The following TARS3 variants were observed in gnomAD, a reference collection of about 807,000 sequenced individuals.
TARS3 encodes threonyl-tRNA synthetase 3, also known as threonine--tRNA ligase 2, cytoplasmic.
Under a neutral mutation model 103.5 loss-of-function variants are expected in TARS3, and 94 were observed. That is an observed-to-expected ratio of 0.91 (90% CI 0.77 to 1.08). The LOEUF is 1.08. Ranked by LOEUF, TARS3 falls within the 50% of genes least tolerant of loss-of-function variation. The pLI, the probability that TARS3 is intolerant of heterozygous loss-of-function variation, is 0.00. For missense variants in TARS3, 952 were observed against 995.2 expected, an observed-to-expected ratio of 0.96 and a Z score of 0.58; for synonymous variants, 416 against 355.4, an observed-to-expected ratio of 1.17 and a Z score of -1.92.
intron 10 of TARS3, among the ~76,000 whole-genome samples, chr15:101,696,686 T>C (rs1338999277): frequency 6.6e-6 from 1 of 152,130 alleles, no homozygotes; most frequent in Non-Finnish European, 1.5e-5. Flanking sequence ...AGAGAAACCT[T>C]AAAAACTGAG....
At chr15:101,690,762 T>A (rs1356821831) in intron 10 of TARS3, among the ~76,000 whole-genome samples, 1 of 152,220 alleles carries the variant, frequency 6.6e-6, no homozygotes, top group Non-Finnish European at 1.5e-5. Context: ...GCAGTAAAGT[T>A]TTTTTCTATG....
intron 7 of TARS3, among the ~76,000 whole-genome samples, chr15:101,705,407 G>A (rs1192186330): frequency 6.6e-6 from 1 of 152,182 alleles, no homozygotes; most frequent in Non-Finnish European, 1.5e-5. Context: ...GGACAGAATA[G>A]AAACTCCTTT....
At chr15:101,671,825 T>A in intron 13 of TARS3, 77 bp from the exon 14 acceptor site, 1 of 1,147,546 alleles carries the variant, frequency 8.7e-7, no homozygotes, top group Admixed American at 2.1e-5. Context: ...AAAGTTACTA[T>A]AACTCTTCAT....
intron 18 of TARS3, among the ~76,000 whole-genome samples, chr15:101,655,172 A>C (rs1320137290): frequency 1.4e-5 from 2 of 147,000 alleles, no homozygotes; most frequent in Admixed American, 6.8e-5. Context: ...CACTGACTCC[A>C]CCTGGCACTA....
rs1897097196 is a variant in TARS3, at chr15:101,653,784, T to C, written c.*798A>G. ...TCTATTGACATAATGCCATTTTAATTCAGTTCTGAGCACGTAGAGCATTCC... is the reference window on the plus strand; with the variant it reads ...TCTATTGACATAATGCCATTTTAATCCAGTTCTGAGCACGTAGAGCATTCC... On this transcript the variant is annotated 3_prime_UTR_variant, in exon 19 of 19. Coordinates refer to ENST00000335968, the MANE Select transcript of TARS3 (RefSeq NM_152334.3). 1 of 152,238 alleles carries C rather than the reference T, an allele frequency of 6.6e-6. No individual in the cohort carries two copies. Among genetic ancestry groups the C allele is most frequent in the African/African-American group, 2.4e-5 (1 of 41,466 alleles). 9.4% of individuals were successfully genotyped at this position (152,238 alleles called of 1,614,324 possible).
At chr15:101,682,036 C>T (rs977443096) in intron 12 of TARS3, among the ~76,000 whole-genome samples, 4 of 152,194 alleles carry the variant, frequency 2.6e-5, no homozygotes, top group Admixed American at 2.0e-4. Context: ...CTTCTAATAG[C>T]TTTCTGTAGA....
intron 2 of TARS3, among the ~76,000 whole-genome samples, chr15:101,722,857 A>G (rs186993135): frequency 5.9e-5 from 9 of 151,580 alleles, no homozygotes; most frequent in African/African-American, 2.2e-4. Context: ...AAAAAAACCA[A>G]CTCTAGTACT....
chr15:101,717,605 G>A (rs574168659), intron 3 of TARS3, among the ~76,000 whole-genome samples: 1 of 152,258 alleles, frequency 6.6e-6, no homozygotes, highest in Admixed American at 6.5e-5. Flanking sequence ...ACAGTGGAGG[G>A]CACTTCTCCA....
At chr15:101,721,439 G>A in intron 2 of TARS3, 117 bp from the exon 3 acceptor site, 1 of 669,716 alleles carries the variant, frequency 1.5e-6, no homozygotes, top group Non-Finnish European at 2.4e-6. Context: ...ATGGTCCCAA[G>A]CTTACCATGG....
rs1238933945 is a variant in TARS3, at chr15:101,656,983, G to A, written c.2199C>T (p.His733=). 1.9e-6 allele frequency: 3 copies of A among 1,613,820 alleles called. No homozygotes were observed. Among genetic ancestry groups the A allele is most frequent in the Admixed American group, 3.3e-5 (2 of 60,000 alleles). ...EGFMADVDLD[H]SCTLNKKIRN... The stretch of plus-strand genomic sequence containing the variant: ...GTATTTTCTTATTTAGTGTACAACT[G>A]TGATCCAAGTCAACGTCAGCCATAA... Residue 733 remains histidine, a synonymous_variant, in exon 18 of 19, where the codon CAC becomes CAT. Coordinates refer to ENST00000335968, the MANE Select transcript of TARS3 (RefSeq NM_152334.3).
Position 101,654,548 on chromosome 15 carries a change from A to G in TARS3, c.*34T>C. 1 of 1,597,230 alleles carries G rather than the reference A, an allele frequency of 6.3e-7. No homozygotes were observed. Among genetic ancestry groups the G allele is most frequent in the Non-Finnish European group, 8.5e-7 (1 of 1,175,034 alleles). The stretch of plus-strand genomic sequence containing the variant: ...AAAATACATTTTTAAGGGTCAAAAC[A>G]AAGTTACACAGAAGCAAATATCAGG... On this transcript the variant is annotated 3_prime_UTR_variant, in exon 19 of 19. Transcript: ENST00000335968.
chr15:101,657,725 C>T (rs1323683808), intron 17 of TARS3, 60 bp downstream of exon 17: 2 of 1,158,862 alleles, frequency 1.7e-6, no homozygotes, highest in East Asian at 2.6e-5. Flanking sequence ...CACTCCAAAT[C>T]GATGACCTAC....
rs35014693 is a variant in TARS3, at chr15:101,714,605, C to CAAAA, written c.690+231_690+234dup. ...TGGGTGACAGAGTAAGACTCCATCTCAAAAAAAAAAAAAAAAAAAAAAAAA... is the reference window on the plus strand; with the variant it reads ...TGGGTGACAGAGTAAGACTCCATCTCAAAAAAAAAAAAAAAAAAAAAAAAAAAAA... On this transcript the variant is annotated intron_variant, in intron 4 of 18. Transcript: ENST00000335968. 3.7e-4 allele frequency: 29 copies of CAAAA among 77,768 alleles called. 1 individual carries two copies. The highest frequency in any genetic ancestry group is 5.2e-4 in the Non-Finnish European group (25 of 47,968). 4.8% of individuals were successfully genotyped at this position (77,768 alleles called of 1,614,324 possible). A position where few individuals can be genotyped will look rare whatever the true frequency, so the allele number is the denominator to read the frequency against.
chr15:101,706,988 C>T (rs1423424970), intron 6 of TARS3, among the ~76,000 whole-genome samples: 1 of 152,032 alleles, frequency 6.6e-6, no homozygotes, highest in African/African-American at 2.4e-5. Context: ...TACAAAAAAA[C>T]CTAATTAAAA....
At chr15:101,662,338 A>C (rs1451294582) in intron 15 of TARS3, among the ~76,000 whole-genome samples, 1 of 152,234 alleles carries the variant, frequency 6.6e-6, no homozygotes, top group African/African-American at 2.4e-5. Context: ...AGATCTCTGC[A>C]CAAGCACAAG....
At position 101,720,955 on chromosome 15, in the gene TARS3, C is replaced by T. The variant is rs114913657; in HGVS notation, c.566+171G>A. Among the ~76,000 whole-genome samples, 1,216 of 152,296 alleles carry T rather than the reference C, an allele frequency of 8.0e-3. 7 individuals carry two copies. The highest frequency in any genetic ancestry group is 0.028 in the African/African-American group (1,180 of 41,554). ...GTTTCCTGAAGCCTCCCCAGCCCTGCGGAACTGTGAGTCAATTAAATCTTC... is the reference window on the plus strand; with the variant it reads ...GTTTCCTGAAGCCTCCCCAGCCCTGTGGAACTGTGAGTCAATTAAATCTTC... On this transcript the variant is annotated intron_variant, in intron 3 of 18. Coordinates refer to ENST00000335968, the MANE Select transcript of TARS3 (RefSeq NM_152334.3).
chr15:101,680,606 C>T (rs1215690351), intron 12 of TARS3, among the ~76,000 whole-genome samples: 2 of 152,190 alleles, frequency 1.3e-5, no homozygotes, highest in Non-Finnish European at 2.9e-5. Context: ...GCACCTGCTT[C>T]ATCTTCCCCA....
At chr15:101,715,051 T>TG (rs1000122567) in intron 3 of TARS3, 88 bp from the exon 4 acceptor site, 4 of 1,356,400 alleles carry the variant, frequency 2.9e-6, no homozygotes, top group Non-Finnish European at 3.9e-6. Context: ...GGGTTTTTTT[T>TG]TTTTGAAGTG....
intron 16 of TARS3, 151 bp from the exon 17 acceptor site, chr15:101,658,008 T>G: frequency 1.9e-6 from 1 of 523,710 alleles, no homozygotes; most frequent in Non-Finnish European, 3.3e-6. Flanking sequence ...TATTAAAGTT[T>G]GAAGGCAGCA....
Sources: allele counts gnomAD v4.1 joint callset (sites outside exome capture counted in the v4.1 genomes callset), GRCh38; gene constraint gnomAD v4.1.1; transcripts MANE v1.5; gene names NCBI Gene and HGNC (gene_info 2026-07-23, HGNC 2026-07-21).